The following PDE4D variants were observed in gnomAD, a reference collection of about 807,000 sequenced individuals.
The protein encoded by PDE4D is 3',5'-cyclic-AMP phosphodiesterase 4D.
In PDE4D, 24 loss-of-function variants were observed where a neutral mutation model predicts 87.4. The observed-to-expected ratio is 0.27, with a 90% CI of 0.20 to 0.39. The LOEUF (loss-of-function observed/expected upper bound fraction) is 0.39. PDE4D is among the 10% of genes least tolerant of loss of function. The pLI is 1.00. For missense variants in PDE4D, 714 were observed against 1,041.0 expected, an observed-to-expected ratio of 0.69 and a Z score of 4.32; for synonymous variants, 384 against 383.2, an observed-to-expected ratio of 1.00 and a Z score of -0.02.
At chr5:59,014,798 A>G (rs1445138652) in intron 6 of PDE4D, among the ~76,000 whole-genome samples, 5 of 152,366 alleles carry the variant, frequency 3.3e-5, no homozygotes, top group African/African-American at 1.2e-4. Flanking sequence ...GAACCAAAAA[A>G]GAGCCCGCAT....
intron 1 of PDE4D, among the ~76,000 whole-genome samples, chr5:60,440,117 C>A (rs921159543): frequency 6.6e-6 from 1 of 151,962 alleles, no homozygotes; most frequent in African/African-American, 2.4e-5. Flanking sequence ...GAGGTAACAG[C>A]CAGAGCCCAG....
At chr5:60,377,584 C>T (rs1021614626) in intron 1 of PDE4D, among the ~76,000 whole-genome samples, 4 of 152,114 alleles carry the variant, frequency 2.6e-5, no homozygotes, top group African/African-American at 9.7e-5. Flanking sequence ...TCATGAGTGA[C>T]CACTCAGACA....
intron 1 of PDE4D, among the ~76,000 whole-genome samples, chr5:59,223,416 C>T (rs1290781454): frequency 2.6e-5 from 4 of 152,058 alleles, no homozygotes; most frequent in Non-Finnish European, 4.4e-5. Flanking sequence ...ACTCCACTCT[C>T]CCCTGTGTAT....
intron 1 of PDE4D, among the ~76,000 whole-genome samples, chr5:60,327,663 G>C (rs6875020): frequency 0.058 from 8,856 of 152,038 alleles, 845 homozygotes; most frequent in African/African-American, 0.2. Flanking sequence ...CTACAAAAAT[G>C]TTTCTACCAG....
At chr5:60,518,794 C>A (rs1750915038) in intron 1 of PDE4D, among the ~76,000 whole-genome samples, 1 of 152,094 alleles carries the variant, frequency 6.6e-6, no homozygotes. Flanking sequence ...AATGCACAAC[C>A]CAAGAAACTA....
At chr5:59,266,841 A>G (rs2153538747) in intron 1 of PDE4D, among the ~76,000 whole-genome samples, 1 of 152,188 alleles carries the variant, frequency 6.6e-6, no homozygotes, top group South Asian at 2.1e-4. Flanking sequence ...ATAGTGAGGA[A>G]AAGCAAACAA....
chr5:59,747,845 A>C (rs1264919883), intron 1 of PDE4D, among the ~76,000 whole-genome samples: 1 of 151,962 alleles, frequency 6.6e-6, no homozygotes, highest in Non-Finnish European at 1.5e-5. Flanking sequence ...TATTCCCCCA[A>C]AGCCTCCTCA....
rs35050580 is a variant in PDE4D, at chr5:59,081,518, T to TAAAAAAAA, written c.809-42555_809-42548dup. Among the ~76,000 whole-genome samples, 549 of 135,418 alleles carry TAAAAAAAA rather than the reference T, an allele frequency of 4.1e-3. 16 individuals are homozygous for TAAAAAAAA. Among genetic ancestry groups the TAAAAAAAA allele is most frequent in the African/African-American group, 0.012 (427 of 35,850 alleles). 88.8% of individuals were successfully genotyped at this position (135,418 alleles called of 152,430 possible). On this transcript the variant is annotated intron_variant, in intron 5 of 14. Coordinates refer to ENST00000340635, the MANE Select transcript of PDE4D (RefSeq NM_001104631.2). Reference sequence around the variant, plus strand: ...ACCTCATGACCAGGAAGTAATCAGGTAAAAAAAAAAAAGAAAAAAAGTGGG... The same window carrying TAAAAAAAA: ...ACCTCATGACCAGGAAGTAATCAGGTAAAAAAAAAAAAAAAAAAAAGAAAAAAAGTGGG...
At chr5:60,353,624 G>A (rs948915607) in intron 1 of PDE4D, among the ~76,000 whole-genome samples, 17 of 152,166 alleles carry the variant, frequency 1.1e-4, no homozygotes, top group African/African-American at 4.1e-4. Flanking sequence ...CATGGATTCA[G>A]TACCTTATCT....
At chr5:59,257,162 T>C (rs1351326452) in intron 1 of PDE4D, among the ~76,000 whole-genome samples, 1 of 152,080 alleles carries the variant, frequency 6.6e-6, no homozygotes, top group Non-Finnish European at 1.5e-5. Flanking sequence ...GTCATGATTT[T>C]GCTGTTTTGT....
intron 1 of PDE4D, among the ~76,000 whole-genome samples, chr5:60,335,671 G>A (rs959014656): frequency 6.6e-6 from 1 of 152,160 alleles, no homozygotes. Context: ...AAGTGGGGTA[G>A]GGTAGTCCTA....
At chr5:60,210,973 T>G (rs1743134162) in intron 1 of PDE4D, among the ~76,000 whole-genome samples, 1 of 152,172 alleles carries the variant, frequency 6.6e-6, no homozygotes, top group Non-Finnish European at 1.5e-5. Context: ...CAGCCACAGC[T>G]GGCGGGGGCG....
chr5:59,220,902 G>T (rs1752411124), intron 1 of PDE4D, among the ~76,000 whole-genome samples: 1 of 152,042 alleles, frequency 6.6e-6, no homozygotes, highest in South Asian at 2.1e-4. Context: ...GTTTGAAAAA[G>T]TAACTAAAGG....
chr5:60,336,091 C>A (rs1757731575), intron 1 of PDE4D, among the ~76,000 whole-genome samples: 1 of 152,122 alleles, frequency 6.6e-6, no homozygotes, highest in Non-Finnish European at 1.5e-5. Context: ...CCACTCCGAC[C>A]AAACACTGAC....
intron 1 of PDE4D, among the ~76,000 whole-genome samples, chr5:59,534,762 T>C (rs1176998838): frequency 6.6e-6 from 1 of 152,134 alleles, no homozygotes; most frequent in African/African-American, 2.4e-5. Context: ...TTTAGGAAGA[T>C]GAACTCCAGC....
intron 2 of PDE4D, among the ~76,000 whole-genome samples, chr5:60,092,844 G>A (rs1775276248): frequency 6.6e-6 from 1 of 152,164 alleles, no homozygotes; most frequent in Non-Finnish European, 1.5e-5. Context: ...TCATAGACTT[G>A]GGACACTCTT....
chr5:60,281,157 GAT>G (rs1335039145), intron 1 of PDE4D, among the ~76,000 whole-genome samples: 1 of 151,948 alleles, frequency 6.6e-6, no homozygotes, highest in African/African-American at 2.4e-5. Flanking sequence ...TTCGCTGTTA[GAT>G]ACTTTCTCCA....
chr5:59,492,024 A>AAG (rs1487154715), intron 1 of PDE4D, among the ~76,000 whole-genome samples: 1 of 152,144 alleles, frequency 6.6e-6, no homozygotes, highest in Non-Finnish European at 1.5e-5. Context: ...CCTTTATCCA[A>AAG]AGAGAGAGAA....
chr5:59,059,762 G>A (rs1401937427), intron 5 of PDE4D, among the ~76,000 whole-genome samples: 1 of 152,124 alleles, frequency 6.6e-6, no homozygotes, highest in African/African-American at 2.4e-5. Flanking sequence ...TGGCTACTAA[G>A]TTCATATGGT....
Sources: allele counts gnomAD v4.1 joint callset (sites outside exome capture counted in the v4.1 genomes callset), GRCh38; gene constraint gnomAD v4.1.1; transcripts MANE v1.5; gene names NCBI Gene and HGNC (gene_info 2026-07-23, HGNC 2026-07-21).